Variants in MDGA2 observed in about 807,000 individuals in gnomAD.
The protein encoded by MDGA2 is MAM domain containing glycosylphosphatidylinositol anchor 2.
In MDGA2, 40 loss-of-function variants were observed where a neutral mutation model predicts 117.8. The observed-to-expected ratio is 0.34, with a 90% CI of 0.26 to 0.44. MDGA2 has a LOEUF of 0.44. Ranked by LOEUF, MDGA2 falls within the 20% of genes least tolerant of loss-of-function variation. The pLI is 1.00. For synonymous variants in MDGA2, 452 were observed against 439.0 expected (o/e 1.03, Z -0.37); for missense variants, 1,123 against 1,250.6 (o/e 0.90, Z 1.54).
At chr14:47,308,456 TA>T (rs1488475346) in intron 1 of MDGA2, among the ~76,000 whole-genome samples, 3 of 151,540 alleles carry the variant, frequency 2.0e-5, no homozygotes, top group Non-Finnish European at 4.4e-5. Context: ...TAAATTTCTC[TA>T]AAAGGCCACT....
At chr14:47,285,679 T>A (rs1457504853) in intron 2 of MDGA2, among the ~76,000 whole-genome samples, 2 of 152,086 alleles carry the variant, frequency 1.3e-5, no homozygotes, top group African/African-American at 4.8e-5. Context: ...AATTAAGTCT[T>A]CTAAGCCATC....
chr14:47,075,360 G>A (rs1890453133), intron 6 of MDGA2, among the ~76,000 whole-genome samples: 1 of 152,122 alleles, frequency 6.6e-6, no homozygotes, highest in Non-Finnish European at 1.5e-5. Context: ...CAGCACTTAG[G>A]TTGGTGACAT....
At position 47,166,744 on chromosome 14, in the gene MDGA2, T is replaced by C. The variant is rs1189938575; in HGVS notation, c.596-22470A>G. On this transcript the variant is annotated intron_variant, in intron 3 of 16. Coordinates refer to ENST00000399232, the MANE Select transcript of MDGA2 (RefSeq NM_001113498.3). ...AAAAACAAAAGCCAAAACAAAAATA[T>C]GAACCGTCACAACAAAAACTTCACC... is the stretch of plus-strand genomic sequence containing the variant. 2.0e-5 allele frequency among the ~76,000 whole-genome samples: 3 copies of C among 152,176 alleles called. No homozygotes were observed. In the East Asian group the frequency reaches 5.8e-4, roughly 29 times the overall value.
intron 8 of MDGA2, among the ~76,000 whole-genome samples, chr14:46,989,820 C>T (rs1162538774): frequency 6.6e-6 from 1 of 151,958 alleles, no homozygotes; most frequent in Non-Finnish European, 1.5e-5. Context: ...TTCATAAAAT[C>T]AAAAAGAATT....
chr14:47,017,911 C>T (rs1231275553), intron 8 of MDGA2, among the ~76,000 whole-genome samples: 4 of 152,068 alleles, frequency 2.6e-5, no homozygotes, highest in Non-Finnish European at 2.9e-5. Context: ...TATTTTATCA[C>T]TATGCTGAAT....
rs1239019947 is a variant in MDGA2 at position 47,023,442 on chromosome 14, G to A, written c.1819+11569C>T. Among the ~76,000 whole-genome samples the A allele has an allele frequency of 5.9e-5, 9 of 152,072 alleles. No individual in the cohort carries two copies. The East Asian group carries it at 1.7e-3, about 29-fold the overall frequency. On this transcript the variant is annotated intron_variant, in intron 8 of 16. Coordinates refer to ENST00000399232, the MANE Select transcript of MDGA2 (RefSeq NM_001113498.3). ...AACATTGTCAAACACTGGTCTAAATGCTTTTTAGGCATCATCTAATTTAAT... is the reference window on the plus strand; with the variant it reads ...AACATTGTCAAACACTGGTCTAAATACTTTTTAGGCATCATCTAATTTAAT...
chr14:46,903,012 G>A (rs1163550939), intron 10 of MDGA2, among the ~76,000 whole-genome samples: 1 of 152,248 alleles, frequency 6.6e-6, no homozygotes, highest in African/African-American at 2.4e-5. Context: ...GGAGCCACGG[G>A]AAGTTTGAGC....
Position 46,855,230 on chromosome 14 carries a change from T to C in MDGA2, c.2753-76A>G. On this transcript the variant is annotated intron_variant, in intron 14 of 16. Transcript: ENST00000399232. The surrounding 1 kb of genome is among the most constrained non-coding windows in gnomAD (Gnocchi z 4.1). ...TTGTTTTTCCTTGACCAAACACTTG[T>C]AAACTTTTTAAACTGAAATTTTACA... The C allele has an allele frequency of 6.5e-6, 8 of 1,221,410 alleles. No individual in the cohort carries two copies. The highest frequency in any genetic ancestry group is 1.5e-5 in the South Asian group (1 of 68,860). 75.7% of individuals were successfully genotyped at this position (1,221,410 alleles called of 1,614,324 possible).
At chr14:47,563,252 C>T (rs1375811657) in intron 1 of MDGA2, among the ~76,000 whole-genome samples, 1 of 152,104 alleles carries the variant, frequency 6.6e-6, no homozygotes, top group Non-Finnish European at 1.5e-5. Context: ...TCTATTAGGT[C>T]AATTTTGTCA....
At chr14:47,058,431 T>C (rs563472849) in intron 7 of MDGA2, among the ~76,000 whole-genome samples, 2 of 152,154 alleles carry the variant, frequency 1.3e-5, no homozygotes, top group Non-Finnish European at 2.9e-5. Context: ...ATGTCTTACA[T>C]TGTTGCTTCC....
intron 2 of MDGA2, among the ~76,000 whole-genome samples, chr14:47,297,509 G>GAAGGA (rs1195395373): frequency 7.1e-6 from 1 of 139,998 alleles, no homozygotes; most frequent in Non-Finnish European, 1.5e-5. Flanking sequence ...GAAGGGAAGG[G>GAAGGA]AAGGGAAGGG....
intron 14 of MDGA2, among the ~76,000 whole-genome samples, chr14:46,863,316 T>C (rs1182546128): frequency 6.6e-6 from 1 of 152,140 alleles, no homozygotes; most frequent in Non-Finnish European, 1.5e-5. Context: ...TTTCTGACTT[T>C]TATTTTATTC....
chr14:47,660,895 A>T (rs1897833068), intron 1 of MDGA2, among the ~76,000 whole-genome samples: 1 of 152,226 alleles, frequency 6.6e-6, no homozygotes, highest in Non-Finnish European at 1.5e-5. Flanking sequence ...AAAATAAATT[A>T]TATGAGAGAG....
intron 5 of MDGA2, among the ~76,000 whole-genome samples, chr14:47,118,565 T>C (rs1881451160): frequency 6.6e-6 from 1 of 152,202 alleles, no homozygotes; most frequent in African/African-American, 2.4e-5. Context: ...ATCTGATTAA[T>C]GAGCTACTGA....
At chr14:47,671,628 G>T (rs879661891) in intron 1 of MDGA2, among the ~76,000 whole-genome samples, 2 of 152,134 alleles carry the variant, frequency 1.3e-5, no homozygotes. Context: ...AGTATGAATG[G>T]CTTTACATGT....
At chr14:47,063,576 T>C (rs1247693693) in intron 6 of MDGA2, among the ~76,000 whole-genome samples, 3 of 151,984 alleles carry the variant, frequency 2.0e-5, no homozygotes, top group Non-Finnish European at 4.4e-5. Context: ...CATATGAGTA[T>C]AAAATATATT....
chr14:46,985,465 GAATTGCTTTATC>G (rs1157777742), intron 8 of MDGA2, among the ~76,000 whole-genome samples: 2 of 151,982 alleles, frequency 1.3e-5, no homozygotes, highest in Non-Finnish European at 2.9e-5. Flanking sequence ...ATGGGATGCT[GAATTGCTTTATC>G]AATTTTTTGG....
chr14:47,420,086 G>A (rs1235211346), intron 1 of MDGA2, among the ~76,000 whole-genome samples: 1 of 152,094 alleles, frequency 6.6e-6, no homozygotes, highest in African/African-American at 2.4e-5. Flanking sequence ...GAAGGAATAT[G>A]CACAATACAT....
chr14:47,204,981 T>C (rs1231857060), intron 3 of MDGA2, among the ~76,000 whole-genome samples: 1 of 151,974 alleles, frequency 6.6e-6, no homozygotes, highest in Non-Finnish European at 1.5e-5. Context: ...GGGCTTCTAT[T>C]GATTGCTTTC....
Sources: allele counts gnomAD v4.1 joint callset (sites outside exome capture counted in the v4.1 genomes callset), GRCh38; gene constraint gnomAD v4.1.1; non-coding constraint Gnocchi (gnomAD v3.1); transcripts MANE v1.5; gene names NCBI Gene and HGNC (gene_info 2026-07-23, HGNC 2026-07-21).